DTX1: variants seen among roughly 807,000 people sequenced by gnomAD.
DTX1 encodes deltex E3 ubiquitin ligase 1.
A neutral mutation model predicts 57.8 loss-of-function variants in DTX1; 26 were observed. The ratio of observed to expected loss-of-function variants is 0.45; its 90% CI spans 0.33 to 0.62. The LOEUF is 0.62. DTX1 is among the 20% of genes least tolerant of loss of function. The probability of loss-of-function intolerance (pLI) is 0.02; values close to 1 mark genes in which losing one functional copy is unlikely to be tolerated. For missense variants in DTX1, 704 were observed against 895.3 expected, an observed-to-expected ratio of 0.79 and a Z score of 2.73; for synonymous variants, 398 against 394.1, an observed-to-expected ratio of 1.01 and a Z score of -0.12.
At chr12:113,084,340 A>G (rs1332504977) in intron 3 of DTX1, among the ~76,000 whole-genome samples, 1 of 152,112 alleles carries the variant, frequency 6.6e-6, no homozygotes, top group Non-Finnish European at 1.5e-5. Flanking sequence ...CTGCGGGCCT[A>G]TTTCCATTTA....
chr12:113,079,583 A>T (rs1267348669), intron 3 of DTX1, among the ~76,000 whole-genome samples: 2 of 134,804 alleles, frequency 1.5e-5, no homozygotes. Flanking sequence ...GCTGGAGTGC[A>T]GTGGCACAAT....
At chr12:113,082,302 A>G (rs1244082320) in intron 3 of DTX1, among the ~76,000 whole-genome samples, 4 of 152,068 alleles carry the variant, frequency 2.6e-5, no homozygotes, top group Non-Finnish European at 5.9e-5. Flanking sequence ...AAAGTCCCCA[A>G]CGCTCCATCT....
chr12:113,087,177 T>G (rs548542357), intron 3 of DTX1, among the ~76,000 whole-genome samples: 84 of 152,102 alleles, frequency 5.5e-4, no homozygotes, highest in Middle Eastern at 6.8e-3. Flanking sequence ...GAGCCTCCAA[T>G]ACCACTCACA....
intron 2 of DTX1, among the ~76,000 whole-genome samples, chr12:113,062,063 A>ACACACACT (rs2044668617): frequency 6.7e-6 from 1 of 148,550 alleles, no homozygotes; most frequent in African/African-American, 2.5e-5. Context: ...ACACACACAC[A>ACACACACT]CACACACTCC....
At chr12:113,087,597 G>A (rs577725191) in intron 3 of DTX1, among the ~76,000 whole-genome samples, 6 of 152,148 alleles carry the variant, frequency 3.9e-5, no homozygotes, top group Non-Finnish European at 5.9e-5. Context: ...AGAGGGTGGG[G>A]GGTCCCTAAA....
chr12:113,096,035 G>C (rs930148294), intron 9 of DTX1, among the ~76,000 whole-genome samples: 1 of 152,032 alleles, frequency 6.6e-6, no homozygotes, highest in Non-Finnish European at 1.5e-5. Context: ...GTGAAACCCC[G>C]TCTCTACTAA....
In DTX1 at chr12:113,093,102, T is replaced by TCC; in HGVS notation, c.942-57_942-56dup. 1 of 1,534,562 alleles carries TCC rather than the reference T, an allele frequency of 6.5e-7. No homozygotes were observed. Among genetic ancestry groups the TCC allele is most frequent in the Middle Eastern group, 1.7e-4 (1 of 5,952 alleles). ...AGCCAGAGACAGAAGGCAAGCCAGGTCCCCTGACGTCGCTTCGGGGGCTGG... is the reference window on the plus strand; with the variant it reads ...AGCCAGAGACAGAAGGCAAGCCAGGTCCCCCCTGACGTCGCTTCGGGGGCTGG... On this transcript the variant is annotated intron_variant, in intron 3 of 9. Transcript: ENST00000548759. This position sits in a 1 kb window ranked among gnomAD's most constrained non-coding sequence, Gnocchi z 4.2.
At chr12:113,073,061 C>T (rs1012612113) in intron 2 of DTX1, among the ~76,000 whole-genome samples, 4 of 152,086 alleles carry the variant, frequency 2.6e-5, no homozygotes, top group African/African-American at 9.7e-5. Flanking sequence ...CCTCCTATCC[C>T]GGCCCCTCCC....
intron 2 of DTX1, among the ~76,000 whole-genome samples, chr12:113,071,559 A>T (rs569593744): frequency 8.4e-4 from 128 of 152,382 alleles, no homozygotes; most frequent in South Asian, 4.3e-3. Flanking sequence ...CACCAGCCTG[A>T]GGCCCAGCCT....
At position 113,097,830 on chromosome 12, in the gene DTX1, G is replaced by T. The variant is rs912894664; in HGVS notation, c.*891G>T. 2 of 152,708 alleles carry T rather than the reference G, an allele frequency of 1.3e-5. No homozygotes were observed. Among genetic ancestry groups the T allele is most frequent in the Non-Finnish European group, 2.9e-5 (2 of 68,070 alleles). The allele number at this position is 152,708 out of a possible 1,614,324, so 9.5% of individuals were successfully genotyped here. A position where few individuals can be genotyped will look rare whatever the true frequency, so the allele number is the denominator to read the frequency against. ...ACAGCAGAGAGTCAATTTCCCTTTC[G>T]TTGGGAGTGGGCAGTGGGGTGGCTA... On this transcript the variant is annotated 3_prime_UTR_variant, in exon 10 of 10. Coordinates refer to ENST00000548759, the MANE Select transcript of DTX1 (RefSeq NM_004416.3).
intron 2 of DTX1, among the ~76,000 whole-genome samples, chr12:113,067,519 A>G (rs1025643233): frequency 9.8e-5 from 15 of 152,322 alleles, no homozygotes; most frequent in Admixed American, 6.5e-4. Context: ...TGGGCAACTA[A>G]TAGAAGTGTG....
chr12:113,062,904 C>T (rs1038972655), intron 2 of DTX1, among the ~76,000 whole-genome samples: 1 of 152,196 alleles, frequency 6.6e-6, no homozygotes, highest in Non-Finnish European at 1.5e-5. Flanking sequence ...TGAAGCCCTC[C>T]AGGTCCAGAG....
intron 3 of DTX1, among the ~76,000 whole-genome samples, chr12:113,079,585 T>C (rs1321900163): frequency 7.2e-6 from 1 of 139,214 alleles, no homozygotes. Context: ...TGGAGTGCAG[T>C]GGCACAATCT....
rs749173378 is a variant in DTX1, at chr12:113,093,495, C to G, written c.1004-44C>G. ...CAGGGCCAGTGGTCGGGGGTTTGGG[C>G]GGGGATGGCGCCCCGCCCTGTGACT... On this transcript the variant is annotated intron_variant, in intron 4 of 9. Coordinates refer to ENST00000548759, the MANE Select transcript of DTX1 (RefSeq NM_004416.3). The surrounding 1 kb of genome is among the most constrained non-coding windows in gnomAD (Gnocchi z 4.2). 1.2e-5 allele frequency: 18 copies of G among 1,493,576 alleles called. No homozygotes were observed. Among genetic ancestry groups the G allele is most frequent in the Non-Finnish European group, 1.6e-5 (18 of 1,120,916 alleles). 92.5% of individuals were successfully genotyped at this position (1,493,576 alleles called of 1,614,324 possible).
At chr12:113,094,121 T>TGGGGGGGGG in intron 6 of DTX1, 22 bp downstream of exon 6, 4 of 443,346 alleles carry the variant, frequency 9.0e-6, no homozygotes, top group Admixed American at 6.8e-5. Flanking sequence ...ATGGGGGGGC[T>TGGGGGGGGG]GGGGGAGGGC....
intron 3 of DTX1, among the ~76,000 whole-genome samples, chr12:113,082,592 T>C (rs1269694905): frequency 1.3e-5 from 2 of 151,976 alleles, no homozygotes; most frequent in East Asian, 3.9e-4. Flanking sequence ...TTTGTTTCTG[T>C]GTCTTTGTTT....
chr12:113,075,278 C>T (rs1045052208), intron 2 of DTX1, among the ~76,000 whole-genome samples: 1 of 152,198 alleles, frequency 6.6e-6, no homozygotes, highest in Non-Finnish European at 1.5e-5. Context: ...GGGCTGTCTG[C>T]CTCCCAGCCC....
At chr12:113,087,290 G>A (rs964093395) in intron 3 of DTX1, among the ~76,000 whole-genome samples, 1 of 152,196 alleles carries the variant, frequency 6.6e-6, no homozygotes, top group Non-Finnish European at 1.5e-5. Context: ...TCACAGAGGG[G>A]ACACTGAAGC....
chr12:113,090,892 G>A (rs750062510), intron 3 of DTX1, among the ~76,000 whole-genome samples: 4 of 152,214 alleles, frequency 2.6e-5, no homozygotes, highest in Non-Finnish European at 4.4e-5. Flanking sequence ...GAGCATGTGC[G>A]CATGTGTCCT....
Sources: gnomAD v4.1 joint callset for allele counts (sites outside exome capture counted in the v4.1 genomes callset) on GRCh38, gnomAD v4.1.1 for gene constraint, Gnocchi (gnomAD v3.1) non-coding constraint, MANE v1.5 for transcripts, NCBI Gene and HGNC (gene_info 2026-07-23, HGNC 2026-07-21) for gene names.